Variants in MYD88 observed in about 807,000 individuals in gnomAD.
MYD88 encodes the protein MYD88 innate immune signal transduction adaptor, also known as myeloid differentiation primary response protein MyD88.
MYD88 carries 15 observed loss-of-function variants against 31.1 expected under a neutral mutation model. The observed-to-expected ratio is 0.48, with a 90% CI of 0.32 to 0.74. The LOEUF (loss-of-function observed/expected upper bound fraction) is 0.74, where lower values mean the gene tolerates loss of function less well. Ranked by LOEUF, MYD88 falls within the 30% of genes least tolerant of loss-of-function variation. MYD88 has a pLI of 0.03. For synonymous variants in MYD88, 157 were observed against 158.8 expected (o/e 0.99, Z 0.08); for missense variants, 308 against 387.4 (o/e 0.79, Z 1.72).
At position 38,140,558 on chromosome 3, in the gene MYD88, A is replaced by G. The variant is rs762065436; in HGVS notation, c.634A>G (p.Ile212Val). 1 of 1,614,164 alleles carries G rather than the reference A, an allele frequency of 6.2e-7. No homozygotes were observed. Among genetic ancestry groups the G allele is most frequent in the South Asian group, 1.1e-5 (1 of 91,078 alleles). The change falls in exon 3 of 5, where the codon ATC becomes GTC. Residue 212 changes from isoleucine (I) to valine (V), a missense_variant. Ile to Val is a conservative substitution (Grantham distance 29). Transcript: ENST00000650905. ...TCVWSIASEL[I>V]EKRCRRMVVV... ...TGTCTGGTCTATTGCTAGTGAGCTC[A>G]TCGAAAAGAGGTTGGCTAGAAGGCC... is the stretch of plus-strand genomic sequence containing the variant.
rs1198628625 is a variant in MYD88, at chr3:38,140,478, C to A, written c.554C>A (p.Thr185Lys). The change falls in exon 3 of 5, where the codon ACA (threonine) becomes AAA (lysine). Residue 185 changes from threonine to lysine, a missense_variant. Coordinates refer to ENST00000650905, the MANE Select transcript of MYD88 (RefSeq NM_002468.5). ...GAGATGATCCGGCAACTGGAACAGA[C>A]AAACTATCGACTGAAGTTGTGTGTG... Reference protein sequence around the residue: ...VQEMIRQLEQTNYRLKLCVSD... With the variant: ...VQEMIRQLEQKNYRLKLCVSD... 1.2e-6 allele frequency: 2 copies of A among 1,614,248 alleles called. No homozygotes were observed. Among genetic ancestry groups the A allele is most frequent in the Admixed American group, 3.3e-5 (2 of 60,026 alleles).
rs771331696 is a variant in MYD88 at position 38,138,910 on chromosome 3, C to T, written c.210C>T (p.Pro70=). 6.2e-7 allele frequency: 1 copy of T among 1,613,138 alleles called. No individual in the cohort carries two copies. Among genetic ancestry groups the T allele is most frequent in the Admixed American group, 1.7e-5 (1 of 60,038 alleles). The stretch of plus-strand genomic sequence containing the variant: ...GGCAACTGGAGACACAAGCGGACCC[C>T]ACTGGCAGGCTGCTGGACGCCTGGC... ...EIRQLETQAD[P]TGRLLDAWQG... Residue 70 remains proline (P), a synonymous_variant, in exon 1 of 5, where the codon CCC becomes CCT. Transcript: ENST00000650905. This position sits in a 1 kb window ranked among gnomAD's most constrained non-coding sequence, Gnocchi z 6.4.
intron 4 of MYD88, 52 bp from the exon 5 acceptor site, chr3:38,141,080 T>A: frequency 6.2e-7 from 1 of 1,613,040 alleles, no homozygotes; most frequent in Non-Finnish European, 8.5e-7. Context: ...ACTGGGCTTG[T>A]CCCACCATGG....
Position 38,139,308 on chromosome 3 carries a change from G to A in MYD88, c.328+280G>A, listed in dbSNP as rs1701017741. 7 of 545,772 alleles carry A rather than the reference G, an allele frequency of 1.3e-5. No individual in the cohort carries two copies. In the East Asian group the frequency reaches 2.2e-4, roughly 17 times the overall value. The allele number at this position is 545,772 out of a possible 1,614,324, so 33.8% of individuals were successfully genotyped here. Reference sequence around the variant, plus strand: ...GAGTCAGAATCAGGCTTCTGTGGGGGCATCTGGGCTGTTTCAAGTAGAGCA... The same window carrying A: ...GAGTCAGAATCAGGCTTCTGTGGGGACATCTGGGCTGTTTCAAGTAGAGCA... On this transcript the variant is annotated intron_variant, in intron 1 of 4. Coordinates refer to ENST00000650905, the MANE Select transcript of MYD88 (RefSeq NM_002468.5). This position sits in a 1 kb window ranked among gnomAD's most constrained non-coding sequence, Gnocchi z 4.7.
In MYD88 at chr3:38,140,484, A is replaced by G. The variant is rs1236857015; in HGVS notation, c.560A>G (p.Tyr187Cys). The G allele has an allele frequency of 5.6e-6, 9 of 1,614,142 alleles. No individual in the cohort carries two copies. Among genetic ancestry groups the G allele is most frequent in the South Asian group, 2.2e-5 (2 of 91,086 alleles). ...ATCCGGCAACTGGAACAGACAAACT[A>G]TCGACTGAAGTTGTGTGTGTCTGAC... is the stretch of plus-strand genomic sequence containing the variant. ...EMIRQLEQTN[Y>C]RLKLCVSDRD... Residue 187 changes from tyrosine to cysteine, a missense_variant, in exon 3 of 5, where the codon TAT (tyrosine) becomes TGT (cysteine). By Grantham distance (194) the Tyr-to-Cys change is radical. Coordinates refer to ENST00000650905, the MANE Select transcript of MYD88 (RefSeq NM_002468.5).
Position 38,142,063 on chromosome 3 carries a change from T to A in MYD88, c.*777T>A, listed in dbSNP as rs768311163. 1 of 234,978 alleles carries A rather than the reference T, an allele frequency of 4.3e-6. No homozygotes were observed. The highest frequency in any genetic ancestry group is 5.5e-5 in the Admixed American group (1 of 18,106). The allele number at this position is 234,978 out of a possible 1,614,324, so 14.6% of individuals were successfully genotyped here. On this transcript the variant is annotated 3_prime_UTR_variant, in exon 5 of 5. Transcript: ENST00000650905. Reference sequence around the variant, plus strand: ...CTGTGGTCATGCTCTCAGCTCCACCTGGCATGAGAAGGGATCCTGGCCTCT... The same window carrying A: ...CTGTGGTCATGCTCTCAGCTCCACCAGGCATGAGAAGGGATCCTGGCCTCT...
In MYD88 at chr3:38,141,346, C is replaced by G. The variant is rs537077316; in HGVS notation, c.*60C>G. 263 of 1,602,240 alleles carry G rather than the reference C, an allele frequency of 1.6e-4. No homozygotes were observed. In the African/African-American group the frequency reaches 2.5e-3, roughly 15 times the overall value. On this transcript the variant is annotated 3_prime_UTR_variant, in exon 5 of 5. Transcript: ENST00000650905. ...GTCTGCCTGTCCATGTACTTCTGCC[C>G]TGCCTCCTCCTTTCGTTGTAGGAGG...
At position 38,139,085 on chromosome 3, in the gene MYD88, C is replaced by T. The variant is rs1701010447; in HGVS notation, c.328+57C>T. ...GGGGGGTGAGGAGGCTGACTTTCCG[C>T]GGCCTCAGCATCCTGTCTCCCATGG... is the stretch of plus-strand genomic sequence containing the variant. On this transcript the variant is annotated intron_variant, in intron 1 of 4. Transcript: ENST00000650905. The surrounding 1 kb of genome is among the most constrained non-coding windows in gnomAD (Gnocchi z 4.7). The T allele has an allele frequency of 6.4e-7, 1 of 1,561,748 alleles. No individual in the cohort carries two copies. The highest frequency in any genetic ancestry group is 8.6e-7 in the Non-Finnish European group (1 of 1,159,290).
Position 38,140,384 on chromosome 3 carries a change from C to G in MYD88, c.464-4C>G, listed in dbSNP as rs955933627. ...TGACCACCACCCTTGTGCTCTGCAC[C>G]CAGGGCATATGCCTGAGCGTTTCGA... On this transcript the variant is annotated splice_region_variant and splice_polypyrimidine_tract_variant and intron_variant, in intron 2 of 4. Coordinates refer to ENST00000650905, the MANE Select transcript of MYD88 (RefSeq NM_002468.5). 2 of 1,613,978 alleles carry G rather than the reference C, an allele frequency of 1.2e-6. No individual in the cohort carries two copies. Among genetic ancestry groups the G allele is most frequent in the African/African-American group, 2.7e-5 (2 of 74,936 alleles).
At chr3:38,141,036 TG>T in intron 4 of MYD88, 95 bp from the exon 5 acceptor site, 2 of 1,552,304 alleles carry the variant, frequency 1.3e-6, no homozygotes, top group Non-Finnish European at 8.9e-7. Context: ...GGTACTTAGA[TG>T]GGGGATGGCT....
Position 38,138,757 on chromosome 3 carries a change from C to G in MYD88, c.57C>G (p.Ser19=). ...GSAAPVSSTS[S]LPLAALNMRV... is the part of the protein sequence containing the mutation. The stretch of plus-strand genomic sequence containing the variant: ...CGGCCCCGGTCTCCTCCACATCCTC[C>G]CTTCCCCTGGCTGCTCTCAACATGC... Residue 19 remains serine (S), a synonymous_variant, in exon 1 of 5, where the codon TCC becomes TCG. Coordinates refer to ENST00000650905, the MANE Select transcript of MYD88 (RefSeq NM_002468.5). This position sits in a 1 kb window ranked among gnomAD's most constrained non-coding sequence, Gnocchi z 6.4. 6.2e-7 allele frequency: 1 copy of G among 1,612,632 alleles called. No homozygotes were observed. Among genetic ancestry groups the G allele is most frequent in the Non-Finnish European group, 8.5e-7 (1 of 1,179,788 alleles).
At position 38,140,013 on chromosome 3, in the gene MYD88, C is replaced by T. The variant is rs772729034; in HGVS notation, c.463+15C>T. ...TGACCCCCTGGGTAAGGGTCCAATACTGTTCCCATGGGACAGGTGGAATAG... is the reference window on the plus strand; with the variant it reads ...TGACCCCCTGGGTAAGGGTCCAATATTGTTCCCATGGGACAGGTGGAATAG... On this transcript the variant is annotated intron_variant, in intron 2 of 4. Transcript: ENST00000650905. The T allele has an allele frequency of 1.2e-6, 2 of 1,612,752 alleles. No individual in the cohort carries two copies. The highest frequency in any genetic ancestry group is 1.1e-5 in the South Asian group (1 of 90,820).
At position 38,139,947 on chromosome 3, in the gene MYD88, G is replaced by A. The variant is rs1701033200; in HGVS notation, c.412G>A (p.Val138Ile). Residue 138 changes from valine to isoleucine, a missense_variant, in exon 2 of 5, where the codon GTC (valine) becomes ATC (isoleucine). Coordinates refer to ENST00000650905, the MANE Select transcript of MYD88 (RefSeq NM_002468.5). This position sits in a 1 kb window ranked among gnomAD's most constrained non-coding sequence, Gnocchi z 4.7. ...ACAGGTGGCCGCTGTAGACAGCAGT[G>A]TCCCACGGACAGCAGAGCTGGCGGG... Reference protein sequence around the residue: ...PLQVAAVDSSVPRTAELAGIT... With the variant: ...PLQVAAVDSSIPRTAELAGIT... 1 of 1,613,724 alleles carries A rather than the reference G, an allele frequency of 6.2e-7. No homozygotes were observed. The highest frequency in any genetic ancestry group is 8.5e-7 in the Non-Finnish European group (1 of 1,179,988).
intron 2 of MYD88, 53 bp from the exon 3 acceptor site, chr3:38,140,335 C>T: frequency 1.2e-6 from 2 of 1,601,954 alleles, no homozygotes; most frequent in Non-Finnish European, 1.7e-6. Context: ...GGCTGGATCC[C>T]TCCCAAGCCT....
chr3:38,140,376 C>A lies in MYD88; in HGVS notation c.464-12C>A. ...TGGAGCTCTGACCACCACCCTTGTGCTCTGCACCCAGGGCATATGCCTGAG... is the reference window on the plus strand; with the variant it reads ...TGGAGCTCTGACCACCACCCTTGTGATCTGCACCCAGGGCATATGCCTGAG... On this transcript the variant is annotated splice_polypyrimidine_tract_variant and intron_variant, in intron 2 of 4. Coordinates refer to ENST00000650905, the MANE Select transcript of MYD88 (RefSeq NM_002468.5). 3 of 1,614,018 alleles carry A rather than the reference C, an allele frequency of 1.9e-6. No homozygotes were observed. The highest frequency in any genetic ancestry group is 2.5e-6 in the Non-Finnish European group (3 of 1,179,936).
chr3:38,140,346 T>A, intron 2 of MYD88, 42 bp from the exon 3 acceptor site: 2 of 1,609,670 alleles, frequency 1.2e-6, no homozygotes, highest in South Asian at 1.1e-5. Context: ...TCCCAAGCCT[T>A]CCCATGGAGC....
In MYD88 at chr3:38,138,903, C is replaced by T. The variant is rs778486449; in HGVS notation, c.203C>T (p.Ala68Val). The T allele has an allele frequency of 2.5e-6, 4 of 1,613,356 alleles. No individual in the cohort carries two copies. The highest frequency in any genetic ancestry group is 1.7e-5 in the Admixed American group (1 of 60,036). The change falls in exon 1 of 5, where the codon GCG (alanine) becomes GTG (valine). Residue 68 changes from alanine (A) to valine (V), a missense_variant. By Grantham distance (64) the Ala-to-Val change is moderately conservative (BLOSUM62 0). Coordinates refer to ENST00000650905, the MANE Select transcript of MYD88 (RefSeq NM_002468.5). The surrounding 1 kb of genome is among the most constrained non-coding windows in gnomAD (Gnocchi z 6.4). ...GAGATCCGGCAACTGGAGACACAAG[C>T]GGACCCCACTGGCAGGCTGCTGGAC... is the stretch of plus-strand genomic sequence containing the variant. ...YLEIRQLETQ[A>V]DPTGRLLDAW...
In MYD88 at chr3:38,141,401, T is replaced by C; in HGVS notation, c.*115T>C. The C allele has an allele frequency of 7.2e-7, 1 of 1,397,872 alleles. No homozygotes were observed. Among genetic ancestry groups the C allele is most frequent in the Non-Finnish European group, 1.0e-6 (1 of 988,268 alleles). The allele number at this position is 1,397,872 out of a possible 1,614,324, so 86.6% of individuals were successfully genotyped here. ...TGTGCTCTACTTACCTCTCAATTCC[T>C]GGAGATGCCAACTTCACAGACACGT... On this transcript the variant is annotated 3_prime_UTR_variant, in exon 5 of 5. Coordinates refer to ENST00000650905, the MANE Select transcript of MYD88 (RefSeq NM_002468.5).
rs767417125 is a variant in MYD88, at chr3:38,139,049, G to A, written c.328+21G>A. 6.3e-7 allele frequency: 1 copy of A among 1,596,344 alleles called. No homozygotes were observed. Among genetic ancestry groups the A allele is most frequent in the Non-Finnish European group, 8.5e-7 (1 of 1,176,354 alleles). On this transcript the variant is annotated intron_variant, in intron 1 of 4. Transcript: ENST00000650905. This position sits in a 1 kb window ranked among gnomAD's most constrained non-coding sequence, Gnocchi z 4.7. ...CATTGGTGAGGACGTCCCCTTCCTG[G>A]CCTCGTACCTGGGGGGTGAGGAGGC...
Sources: allele counts gnomAD v4.1 joint callset, GRCh38; gene constraint gnomAD v4.1.1; non-coding constraint Gnocchi (gnomAD v3.1); transcripts MANE v1.5; gene names NCBI Gene and HGNC (gene_info 2026-07-23, HGNC 2026-07-21).